GLIS3: variants seen among roughly 807,000 people sequenced by gnomAD.
The protein encoded by GLIS3 is zinc finger protein GLIS3.
GLIS3 carries 53 observed loss-of-function variants against 78.6 expected under a neutral mutation model. The observed-to-expected ratio is 0.67, with a 90% CI of 0.54 to 0.85. The LOEUF (loss-of-function observed/expected upper bound fraction) is 0.85. Among genes scored for constraint, GLIS3 ranks in the 40% least tolerant of loss-of-function variants. GLIS3 has a pLI of 0.00. For synonymous variants in GLIS3, 684 were observed against 509.9 expected (o/e 1.34, Z -4.60); for missense variants, 1,703 against 1,231.1 (o/e 1.38, Z -5.74).
intron 1 of GLIS3, among the ~76,000 whole-genome samples, chr9:4,299,120 G>C (rs1816883007): frequency 6.6e-6 from 1 of 152,078 alleles, no homozygotes; most frequent in Non-Finnish European, 1.5e-5. Flanking sequence ...CCGAATTAGC[G>C]CAACTTTAAA....
chr9:4,029,433 T>C (rs1021330688), intron 4 of GLIS3, among the ~76,000 whole-genome samples: 5 of 152,230 alleles, frequency 3.3e-5, no homozygotes, highest in African/African-American at 1.2e-4. Flanking sequence ...TCCGTCCCCT[T>C]AAGCATTTAT....
chr9:4,080,371 AACTC>A (rs1329059005), intron 4 of GLIS3, among the ~76,000 whole-genome samples: 2 of 152,118 alleles, frequency 1.3e-5, no homozygotes, highest in Non-Finnish European at 1.5e-5. Context: ...GGGCTCCAAA[AACTC>A]AGTAATCAGG....
intron 2 of GLIS3, among the ~76,000 whole-genome samples, chr9:4,218,441 A>G (rs1398853520): frequency 6.6e-6 from 1 of 151,976 alleles, no homozygotes; most frequent in African/African-American, 2.4e-5. Context: ...ACCACACTCG[A>G]CTAATTTTTT....
chr9:3,952,939 T>C lies in GLIS3; in HGVS notation c.1711-15750A>G, dbSNP rs372179176. Among the ~76,000 whole-genome samples the C allele has an allele frequency of 3.9e-5, 6 of 152,328 alleles. 1 individual carries two copies. The highest frequency in any genetic ancestry group is 6.5e-5 in the Admixed American group (1 of 15,308). The stretch of plus-strand genomic sequence containing the variant: ...CTAACTGATAATCCCAGCCCAGCTT[T>C]TCCCTTATGCGAGTCTTATTTATGT... On this transcript the variant is annotated intron_variant, in intron 4 of 10. Coordinates refer to ENST00000381971, the MANE Select transcript of GLIS3 (RefSeq NM_001042413.2).
At chr9:4,045,267 G>A (rs1825148064) in intron 4 of GLIS3, among the ~76,000 whole-genome samples, 1 of 152,136 alleles carries the variant, frequency 6.6e-6, no homozygotes, top group Non-Finnish European at 1.5e-5. Flanking sequence ...TGTACACACT[G>A]GACCTTGTGG....
At chr9:4,431,556 C>T in the GLIS3 span, among the ~76,000 whole-genome samples, 1 of 152,038 alleles carries the variant, frequency 6.6e-6, no homozygotes, top group Admixed American at 6.6e-5. Context: ...TGTAAAAGGC[C>T]ATATAGGGCC....
chr9:4,165,333 C>T (rs1284916460), intron 2 of GLIS3, among the ~76,000 whole-genome samples: 2 of 151,946 alleles, frequency 1.3e-5, no homozygotes, highest in African/African-American at 2.4e-5. Context: ...CCCAGTTACT[C>T]GGGAGGCTGA....
chr9:4,478,256 T>C, the GLIS3 span, among the ~76,000 whole-genome samples: 11 of 152,154 alleles, frequency 7.2e-5, no homozygotes, highest in African/African-American at 1.4e-4. Flanking sequence ...TTGTAACTGA[T>C]TGGAACACAT....
At chr9:4,062,686 G>C (rs760033492) in intron 4 of GLIS3, among the ~76,000 whole-genome samples, 1 of 152,306 alleles carries the variant, frequency 6.6e-6, no homozygotes, top group Non-Finnish European at 1.5e-5. Context: ...CCAGCACTTC[G>C]GGAGGCCGAG....
chr9:4,227,081 C>T (rs1449620692), intron 2 of GLIS3, among the ~76,000 whole-genome samples: 2 of 152,150 alleles, frequency 1.3e-5, no homozygotes, highest in Non-Finnish European at 2.9e-5. Flanking sequence ...AAGAATGACA[C>T]AGCAGTTCTG....
chr9:4,209,591 A>G (rs767580715), intron 2 of GLIS3, among the ~76,000 whole-genome samples: 6 of 152,068 alleles, frequency 3.9e-5, no homozygotes, highest in Non-Finnish European at 5.9e-5. Flanking sequence ...CAGTAATTCC[A>G]TTTCATTTTT....
chr9:4,189,960 G>T (rs1215908021), intron 2 of GLIS3, among the ~76,000 whole-genome samples: 1 of 152,096 alleles, frequency 6.6e-6, no homozygotes, highest in Non-Finnish European at 1.5e-5. Context: ...CAAGAGACCT[G>T]CAGCTGAGGG....
chr9:4,481,264 A>G, the GLIS3 span, among the ~76,000 whole-genome samples: 5 of 152,172 alleles, frequency 3.3e-5, no homozygotes, highest in Non-Finnish European at 7.3e-5. Context: ...CAGGCGGATC[A>G]CCTGGGGTCA....
chr9:3,845,325 G>A (rs1440596254), intron 9 of GLIS3, among the ~76,000 whole-genome samples: 1 of 152,060 alleles, frequency 6.6e-6, no homozygotes, highest in Admixed American at 6.6e-5. Context: ...AATGTGAGGT[G>A]CAGAACGTGA....
chr9:4,328,856 G>A (rs1454624218), intron 2 of GLIS3, among the ~76,000 whole-genome samples: 1 of 152,186 alleles, frequency 6.6e-6, no homozygotes, highest in Non-Finnish European at 1.5e-5. Flanking sequence ...TCCAATAAAT[G>A]TTCACTGTTA....
At chr9:4,214,549 C>T (rs1347665459) in intron 2 of GLIS3, among the ~76,000 whole-genome samples, 1 of 152,170 alleles carries the variant, frequency 6.6e-6, no homozygotes, top group African/African-American at 2.4e-5. Context: ...AGCTCCCACG[C>T]CAGGAGGAAC....
chr9:4,068,971 AACCCCCTTGCCCT>A (rs1827348548), intron 4 of GLIS3, among the ~76,000 whole-genome samples: 1 of 152,130 alleles, frequency 6.6e-6, no homozygotes, highest in Non-Finnish European at 1.5e-5. Flanking sequence ...ACCGTAATGT[AACCCCCTTGCCCT>A]ACCCATGGAG....
chr9:3,982,548 T>G (rs1177236238), intron 4 of GLIS3, among the ~76,000 whole-genome samples: 1 of 152,200 alleles, frequency 6.6e-6, no homozygotes, highest in Admixed American at 6.5e-5. Flanking sequence ...CTTTTTCTTG[T>G]TGACAAAAGC....
At chr9:4,029,095 A>C (rs1477170219) in intron 4 of GLIS3, among the ~76,000 whole-genome samples, 5 of 152,188 alleles carry the variant, frequency 3.3e-5, no homozygotes, top group Non-Finnish European at 7.3e-5. Context: ...TCCATTACCC[A>C]AGCTTAAAAC....
Sources: gnomAD v4.1 joint callset for allele counts (sites outside exome capture counted in the v4.1 genomes callset) on GRCh38, gnomAD v4.1.1 for gene constraint, MANE v1.5 for transcripts, NCBI Gene and HGNC (gene_info 2026-07-23, HGNC 2026-07-21) for gene names.